SRGAP3: variants seen among roughly 807,000 people sequenced by gnomAD.
The protein encoded by SRGAP3 is SLIT-ROBO Rho GTPase-activating protein 3.
In SRGAP3, 39 loss-of-function variants were observed where a neutral mutation model predicts 121.1. The ratio of observed to expected loss-of-function variants is 0.32; its 90% CI spans 0.25 to 0.42. The LOEUF (loss-of-function observed/expected upper bound fraction) is 0.42. Ranked by LOEUF, SRGAP3 falls within the 10% of genes least tolerant of loss-of-function variation. The pLI is 1.00. For synonymous variants in SRGAP3, 601 were observed against 570.0 expected, an observed-to-expected ratio of 1.05 and a Z score of -0.77; for missense variants, 1,213 against 1,470.6, an observed-to-expected ratio of 0.82 and a Z score of 2.86.
chr3:9,113,162 T>A (rs1948691930), intron 2 of SRGAP3, among the ~76,000 whole-genome samples: 1 of 152,148 alleles, frequency 6.6e-6, no homozygotes, highest in South Asian at 2.1e-4. Flanking sequence ...ACTAGTTTTG[T>A]AGGTGCTGTC....
chr3:9,031,975 T>A (rs1245512849), intron 12 of SRGAP3, among the ~76,000 whole-genome samples: 1 of 152,172 alleles, frequency 6.6e-6, no homozygotes, highest in Non-Finnish European at 1.5e-5. Flanking sequence ...TATGGCTTAA[T>A]CTCATACCCT....
At chr3:9,202,619 A>G (rs1952106455) in intron 1 of SRGAP3, among the ~76,000 whole-genome samples, 1 of 151,994 alleles carries the variant, frequency 6.6e-6, no homozygotes, top group Non-Finnish European at 1.5e-5. Flanking sequence ...CCCACCCTCG[A>G]GCCCCCTCCT....
chr3:9,254,447 G>A (rs542536514), upstream of SRGAP3, among the ~76,000 whole-genome samples: 12 of 152,330 alleles, frequency 7.9e-5, no homozygotes, highest in African/African-American at 2.6e-4. Flanking sequence ...TAGAAAGAGC[G>A]AGGACAGGCA....
chr3:9,110,854 AAAG>A (rs1948597819), intron 2 of SRGAP3, among the ~76,000 whole-genome samples: 1 of 152,208 alleles, frequency 6.6e-6, no homozygotes, highest in African/African-American at 2.4e-5. Flanking sequence ...ACCACATCTG[AAAG>A]AAGAAGGCCC....
At chr3:9,250,076 C>A (rs1953970476), upstream of SRGAP3, among the ~76,000 whole-genome samples, 1 of 152,134 alleles carries the variant, frequency 6.6e-6, no homozygotes, top group African/African-American at 2.4e-5. Flanking sequence ...AGGCATGCAG[C>A]TTAGCAAAGC....
intron 1 of SRGAP3, among the ~76,000 whole-genome samples, chr3:9,351,589 G>A (rs1239302124): frequency 6.6e-6 from 1 of 152,172 alleles, no homozygotes; most frequent in Non-Finnish European, 1.5e-5. Context: ...GTCATGTGCT[G>A]CGTAACAAAG....
intron 1 of SRGAP3, among the ~76,000 whole-genome samples, chr3:9,131,744 A>G (rs187405211): frequency 6.6e-6 from 1 of 152,130 alleles, no homozygotes; most frequent in East Asian, 1.9e-4. Context: ...ACCCGGCCGT[A>G]AGAACTAATT....
chr3:9,029,155 G>A (rs1193763550), intron 12 of SRGAP3, among the ~76,000 whole-genome samples: 2 of 152,156 alleles, frequency 1.3e-5, no homozygotes, highest in Non-Finnish European at 2.9e-5. Flanking sequence ...CAGGCTGTAT[G>A]AGCAATATGC....
At chr3:9,332,503 C>T (rs1366430900) in intron 1 of SRGAP3, among the ~76,000 whole-genome samples, 1 of 152,182 alleles carries the variant, frequency 6.6e-6, no homozygotes, top group African/African-American at 2.4e-5. Context: ...AGGTCTCACA[C>T]TCCCTTCCAA....
chr3:9,336,229 C>T (rs1955691203), intron 1 of SRGAP3, among the ~76,000 whole-genome samples: 1 of 151,534 alleles, frequency 6.6e-6, no homozygotes, highest in African/African-American at 2.4e-5. Context: ...CTTCTCTCTC[C>T]CTCTCCCTCT....
At chr3:9,350,375 G>A (rs1367212142) in intron 1 of SRGAP3, among the ~76,000 whole-genome samples, 4 of 152,162 alleles carry the variant, frequency 2.6e-5, no homozygotes, top group Non-Finnish European at 4.4e-5. Context: ...AAGGAGAGAG[G>A]GAAAGGATAT....
chr3:9,268,862 T>C (rs1954419892), intron 3 of SRGAP3, among the ~76,000 whole-genome samples: 1 of 152,194 alleles, frequency 6.6e-6, no homozygotes, highest in South Asian at 2.1e-4. Context: ...GTTCTCTTCC[T>C]TCCTTTTCCC....
rs561656178 is a variant in SRGAP3 at position 9,215,661 on chromosome 3, C to T, written c.67+33224G>A. On this transcript the variant is annotated intron_variant, in intron 1 of 21. Coordinates refer to ENST00000383836, the MANE Select transcript of SRGAP3 (RefSeq NM_014850.4). ...GTTGGCACCAGCCAATCAGCTGAGGCCCTGAATAGAACACAAAGGCAGAGG... is the reference window on the plus strand; with the variant it reads ...GTTGGCACCAGCCAATCAGCTGAGGTCCTGAATAGAACACAAAGGCAGAGG... 3.3e-5 allele frequency among the ~76,000 whole-genome samples: 5 copies of T among 152,292 alleles called. No individual in the cohort carries two copies. In the East Asian group the frequency reaches 5.8e-4, roughly 18 times the overall value.
chr3:9,266,157 G>C lies in SRGAP3; in HGVS notation n.442+59853C>G, dbSNP rs7638332. 2.3e-3 allele frequency among the ~76,000 whole-genome samples: 343 copies of C among 152,286 alleles called. 1 individual carries two copies. The highest frequency in any genetic ancestry group is 7.7e-3 in the African/African-American group (320 of 41,556). ...AAACACCACATGTTCTCACTCATAA[G>C]TGGGAGTTGAACAATGAGAACATAT... On this transcript the variant is annotated intron_variant and non_coding_transcript_variant, in intron 3 of 3. Coordinates refer to the SRGAP3 transcript ENST00000490889.
intron 2 of SRGAP3, among the ~76,000 whole-genome samples, chr3:9,106,165 G>C (rs939408413): frequency 6.6e-6 from 1 of 152,190 alleles, no homozygotes; most frequent in Non-Finnish European, 1.5e-5. Flanking sequence ...GGAAAGGGTG[G>C]ATACACCCTG....
intron 3 of SRGAP3, among the ~76,000 whole-genome samples, chr3:9,285,614 C>T (rs899304399): frequency 6.6e-6 from 1 of 152,000 alleles, no homozygotes; most frequent in Non-Finnish European, 1.5e-5. Context: ...CATACTTGTC[C>T]GTATCTGTCC....
At chr3:9,304,203 C>T (rs1174216656) in intron 3 of SRGAP3, among the ~76,000 whole-genome samples, 1 of 152,202 alleles carries the variant, frequency 6.6e-6, no homozygotes, top group African/African-American at 2.4e-5. Context: ...TAATCACCTG[C>T]ATAACCCAAC....
At chr3:9,358,541 T>G (rs2030638481) in intron 1 of SRGAP3, among the ~76,000 whole-genome samples, 1 of 152,184 alleles carries the variant, frequency 6.6e-6, no homozygotes, top group South Asian at 2.1e-4. Flanking sequence ...AGCAATCAGT[T>G]CTGCAGCGGA....
At chr3:9,057,785 A>G (rs181515964) in intron 7 of SRGAP3, among the ~76,000 whole-genome samples, 1 of 152,200 alleles carries the variant, frequency 6.6e-6, no homozygotes, top group East Asian at 1.9e-4. Flanking sequence ...TTTTATTCAG[A>G]ATATAACAAG....
Sources: allele counts gnomAD v4.1 joint callset (sites outside exome capture counted in the v4.1 genomes callset), GRCh38; gene constraint gnomAD v4.1.1; transcripts MANE v1.5; gene names NCBI Gene and HGNC (gene_info 2026-07-23, HGNC 2026-07-21).